The following DIAPH3 variants were observed in gnomAD, a reference collection of about 807,000 sequenced individuals.
DIAPH3 encodes protein diaphanous homolog 3.
In DIAPH3, 117 loss-of-function variants were observed where a neutral mutation model predicts 144.3. That is an observed-to-expected ratio of 0.81 (90% CI 0.70 to 0.95). DIAPH3 has a LOEUF of 0.95. Ranked by LOEUF, DIAPH3 falls within the 40% of genes least tolerant of loss-of-function variation. DIAPH3 has a pLI of 0.00. For missense variants in DIAPH3, 1,421 were observed against 1,412.7 expected, an observed-to-expected ratio of 1.01 and a Z score of -0.09; for synonymous variants, 519 against 488.9, an observed-to-expected ratio of 1.06 and a Z score of -0.81.
chr13:59,800,713 C>CGGGT (rs1208474175), intron 25 of DIAPH3, among the ~76,000 whole-genome samples: 2 of 152,102 alleles, frequency 1.3e-5, no homozygotes, highest in Non-Finnish European at 2.9e-5. Context: ...TCCCATGGAA[C>CGGGT]GGGTCTCTGA....
chr13:59,699,249 G>C (rs115599941), intron 27 of DIAPH3, among the ~76,000 whole-genome samples: 4 of 152,194 alleles, frequency 2.6e-5, no homozygotes, highest in Non-Finnish European at 4.4e-5. Flanking sequence ...CTCTCACAAA[G>C]GGATAATGGA....
chr13:60,102,409 T>C (rs964695227), intron 3 of DIAPH3, among the ~76,000 whole-genome samples: 1 of 152,192 alleles, frequency 6.6e-6, no homozygotes, highest in Non-Finnish European at 1.5e-5. Flanking sequence ...TCACCGTGCA[T>C]GGAACATAAT....
intron 25 of DIAPH3, among the ~76,000 whole-genome samples, chr13:59,801,876 T>C (rs922544917): frequency 1.4e-4 from 21 of 152,246 alleles, no homozygotes; most frequent in Admixed American, 1.3e-4. Context: ...AACATATAAA[T>C]ATTCAATTTC....
At chr13:59,744,442 C>T (rs998185912) in intron 27 of DIAPH3, among the ~76,000 whole-genome samples, 1 of 152,190 alleles carries the variant, frequency 6.6e-6, no homozygotes, top group African/African-American at 2.4e-5. Flanking sequence ...GCTTGTCCAA[C>T]TTGTGGCCCA....
intron 4 of DIAPH3, among the ~76,000 whole-genome samples, chr13:60,061,326 G>A (rs2056762715): frequency 6.6e-6 from 1 of 151,982 alleles, no homozygotes; most frequent in Admixed American, 6.6e-5. Flanking sequence ...TCATACTAAG[G>A]AAAGGAGACC....
intron 27 of DIAPH3, among the ~76,000 whole-genome samples, chr13:59,679,567 C>T (rs1220931649): frequency 1.3e-5 from 2 of 152,180 alleles, no homozygotes; most frequent in East Asian, 3.8e-4. Context: ...GAGTATAGTA[C>T]TCCTGGTAAG....
At chr13:60,057,664 A>G (rs1296282506) in intron 4 of DIAPH3, among the ~76,000 whole-genome samples, 1 of 152,088 alleles carries the variant, frequency 6.6e-6, no homozygotes. Context: ...GGATATAGTA[A>G]CCAAAACAGC....
chr13:59,939,401 A>C (rs1180229411), intron 17 of DIAPH3, among the ~76,000 whole-genome samples: 2 of 152,196 alleles, frequency 1.3e-5, no homozygotes, highest in Non-Finnish European at 2.9e-5. Context: ...CCCAGCTCTC[A>C]GATTTCTAAG....
intron 25 of DIAPH3, among the ~76,000 whole-genome samples, chr13:59,787,078 G>A (rs2039070375): frequency 6.6e-6 from 1 of 152,152 alleles, no homozygotes; most frequent in African/African-American, 2.4e-5. Context: ...TGCAGCCTGG[G>A]TGACAAAGTG....
At position 59,992,847 on chromosome 13, in the gene DIAPH3, A is replaced by G. The variant is rs2051924995; in HGVS notation, c.1015-264T>C. 5.6e-5 allele frequency among the ~76,000 whole-genome samples: 6 copies of G among 106,412 alleles called. No homozygotes were observed. In the South Asian group the frequency reaches 1.6e-3, roughly 28 times the overall value. 69.8% of individuals were successfully genotyped at this position (106,412 alleles called of 152,430 possible). A position where few individuals can be genotyped will look rare whatever the true frequency, so the allele number is the denominator to read the frequency against. On this transcript the variant is annotated intron_variant, in intron 9 of 27. Transcript: ENST00000400324. The stretch of plus-strand genomic sequence containing the variant: ...TTACTACTGCTCCATAAAAAAATAG[A>G]AAAAAAAAAAAAAAAACACTTGTAA...
chr13:60,042,814 G>A lies in DIAPH3; in HGVS notation c.502C>T (p.Leu168Phe). 1 of 1,613,230 alleles carries A rather than the reference G, an allele frequency of 6.2e-7. No homozygotes were observed. Among genetic ancestry groups the A allele is most frequent in the Non-Finnish European group, 8.5e-7 (1 of 1,179,486 alleles). The change falls in exon 5 of 28, where the codon CTT (leucine) becomes TTT (phenylalanine). Residue 168 changes from leucine (L) to phenylalanine (F), a missense_variant. Leu to Phe is a conservative substitution (Grantham distance 22). Transcript: ENST00000400324. ...YINTASKTGS[L>F]KRSRQISPQE... ...GGTGAGATCTGTCGGCTTCTCTTAAGACTTCCCTATAAAATAAGTCAAAAA... is the reference window on the plus strand; with the variant it reads ...GGTGAGATCTGTCGGCTTCTCTTAAAACTTCCCTATAAAATAAGTCAAAAA...
chr13:59,783,406 T>C (rs762717618), intron 25 of DIAPH3, among the ~76,000 whole-genome samples: 2 of 152,190 alleles, frequency 1.3e-5, no homozygotes, highest in Non-Finnish European at 2.9e-5. Flanking sequence ...ATTTTGGATA[T>C]GTTAAGTTGA....
chr13:59,904,252 A>C (rs1306298365), intron 20 of DIAPH3, among the ~76,000 whole-genome samples: 1 of 152,174 alleles, frequency 6.6e-6, no homozygotes, highest in South Asian at 2.1e-4. Flanking sequence ...TAAAGACGTA[A>C]TGCTGGGTGG....
intron 4 of DIAPH3, among the ~76,000 whole-genome samples, chr13:60,072,148 A>G (rs1379068791): frequency 6.6e-6 from 1 of 152,182 alleles, no homozygotes; most frequent in African/African-American, 2.4e-5. Context: ...CTCATAATCT[A>G]CAAGTCTCTT....
At chr13:59,853,477 TTGTTTAAAAG>T (rs2043094329) in intron 22 of DIAPH3, among the ~76,000 whole-genome samples, 1 of 152,072 alleles carries the variant, frequency 6.6e-6, no homozygotes, top group African/African-American at 2.4e-5. Context: ...CGAGATCTGG[TTGTTTAAAAG>T]TGTGCAGCAC....
At chr13:59,898,259 A>G (rs752353765) in intron 20 of DIAPH3, among the ~76,000 whole-genome samples, 6 of 152,132 alleles carry the variant, frequency 3.9e-5, no homozygotes, top group Non-Finnish European at 7.4e-5. Flanking sequence ...TCCTAATCTC[A>G]CCACAGCTCT....
chr13:60,028,403 C>T (rs570277203), intron 5 of DIAPH3, among the ~76,000 whole-genome samples: 75 of 152,180 alleles, frequency 4.9e-4, no homozygotes, highest in Admixed American at 1.0e-3. Flanking sequence ...CATAGCAGCA[C>T]GCTATGCAGT....
At chr13:59,898,498 T>C (rs1317855254) in intron 20 of DIAPH3, among the ~76,000 whole-genome samples, 1 of 152,166 alleles carries the variant, frequency 6.6e-6, no homozygotes, top group Non-Finnish European at 1.5e-5. Flanking sequence ...AAGAACATAT[T>C]GCCAGGCAAG....
At chr13:60,035,706 A>G (rs746456281) in intron 5 of DIAPH3, among the ~76,000 whole-genome samples, 38 of 152,336 alleles carry the variant, frequency 2.5e-4, no homozygotes, top group South Asian at 4.1e-4. Context: ...AATAGAAGGC[A>G]TATTTGAAGA....
Sources: gnomAD v4.1 joint callset for allele counts (sites outside exome capture counted in the v4.1 genomes callset) on GRCh38, gnomAD v4.1.1 for gene constraint, MANE v1.5 for transcripts, NCBI Gene and HGNC (gene_info 2026-07-23, HGNC 2026-07-21) for gene names.